Variants in TBCK observed in about 807,000 individuals in gnomAD.
TBCK encodes TBC1 domain containing kinase.
TBCK carries 99 observed loss-of-function variants against 113.4 expected under a neutral mutation model. That is an observed-to-expected ratio of 0.87 (90% CI 0.74 to 1.03). The LOEUF is 1.03. Among genes scored for constraint, TBCK ranks in the 50% least tolerant of loss-of-function variants. The probability of loss-of-function intolerance (pLI) is 0.00; values close to 1 mark genes in which losing one functional copy is unlikely to be tolerated. For missense variants in TBCK, 1,045 were observed against 1,061.3 expected (o/e 0.98, Z 0.21); for synonymous variants, 369 against 370.8 (o/e 1.00, Z 0.05).
At chr4:106,114,721 A>G (rs2149565611) in intron 24 of TBCK, among the ~76,000 whole-genome samples, 2 of 152,364 alleles carry the variant, frequency 1.3e-5, no homozygotes, top group East Asian at 3.9e-4. Context: ...ATAGGGTGTT[A>G]TAATGTTATT....
intron 19 of TBCK, among the ~76,000 whole-genome samples, chr4:106,230,141 A>C (rs908044994): frequency 1.3e-5 from 2 of 151,958 alleles, no homozygotes; most frequent in Non-Finnish European, 2.9e-5. Context: ...CCTGCAATTG[A>C]ACTGAAATGA....
chr4:106,212,688 GT>G (rs1756292495), intron 20 of TBCK, 61 bp downstream of exon 20: 1 of 1,210,264 alleles, frequency 8.3e-7, no homozygotes, highest in Non-Finnish European at 1.2e-6. Context: ...ACACTCTTCT[GT>G]GCTAATAATT....
intron 23 of TBCK, among the ~76,000 whole-genome samples, chr4:106,131,703 G>A (rs1270856803): frequency 6.6e-6 from 1 of 152,198 alleles, no homozygotes; most frequent in East Asian, 1.9e-4. Context: ...AGCAAGTTTG[G>A]AACTGAGTAA....
chr4:106,217,648 A>G (rs1757124594), intron 19 of TBCK, among the ~76,000 whole-genome samples: 5 of 150,634 alleles, frequency 3.3e-5, no homozygotes, highest in African/African-American at 1.2e-4. Context: ...ATACCTAGGA[A>G]TCCAACTTAC....
rs1407613654 is a variant in TBCK, at chr4:106,076,604, T to C, written c.2571+18878A>G. ...GGTAGATGTGAAAGAAAAAATCGTA[T>C]AGGTAACTAGAGAGAAGCGGCGGGT... On this transcript the variant is annotated intron_variant, in intron 25 of 25. Transcript: ENST00000394708. Among the ~76,000 whole-genome samples the C allele has an allele frequency of 3.9e-5, 6 of 152,056 alleles. No homozygotes were observed. The East Asian group carries it at 1.2e-3, about 29-fold the overall frequency.
chr4:106,272,032 C>T (rs1271271094), intron 3 of TBCK, among the ~76,000 whole-genome samples: 2 of 152,136 alleles, frequency 1.3e-5, no homozygotes, highest in South Asian at 2.1e-4. Context: ...ATGAACCACA[C>T]TTTGAGAACC....
intron 19 of TBCK, among the ~76,000 whole-genome samples, chr4:106,220,973 T>G (rs1188552843): frequency 6.6e-6 from 1 of 152,210 alleles, no homozygotes; most frequent in African/African-American, 2.4e-5. Context: ...ATGCTTCATT[T>G]TAAAACAGAA....
intron 20 of TBCK, among the ~76,000 whole-genome samples, chr4:106,210,553 T>C (rs1426585760): frequency 6.6e-6 from 1 of 152,192 alleles, no homozygotes; most frequent in Admixed American, 6.5e-5. Flanking sequence ...GAGCATTCCC[T>C]CTAAATAATG....
At position 106,135,558 on chromosome 4, in the gene TBCK, T is replaced by A. The variant is rs1284675407; in HGVS notation, c.2236-19180A>T. On this transcript the variant is annotated intron_variant, in intron 23 of 25. Coordinates refer to ENST00000394708, the MANE Select transcript of TBCK (RefSeq NM_001163435.3). ...TGGGCAGAAGTAGTTAGTAATATATTGGTGGAGTAAGTGGCACTTGAGTAA... is the reference window on the plus strand; with the variant it reads ...TGGGCAGAAGTAGTTAGTAATATATAGGTGGAGTAAGTGGCACTTGAGTAA... Among the ~76,000 whole-genome samples the A allele has an allele frequency of 1.4e-5, 2 of 139,956 alleles. 1 individual carries two copies. Among genetic ancestry groups the A allele is most frequent in the African/African-American group, 5.0e-5 (2 of 39,618 alleles). 91.8% of individuals were successfully genotyped at this position (139,956 alleles called of 152,430 possible).
intron 25 of TBCK, among the ~76,000 whole-genome samples, chr4:106,093,389 G>A (rs1201123347): frequency 2.6e-5 from 4 of 151,982 alleles, no homozygotes. Context: ...TGCCTGTAGT[G>A]CCAGCTACTC....
intron 25 of TBCK, among the ~76,000 whole-genome samples, chr4:106,082,027 T>C (rs941638203): frequency 2.0e-5 from 3 of 152,212 alleles, no homozygotes; most frequent in Non-Finnish European, 2.9e-5. Flanking sequence ...AGTTCAGTCA[T>C]TGTGAAAAGC....
At chr4:106,204,063 A>G (rs1251247522) in intron 20 of TBCK, among the ~76,000 whole-genome samples, 1 of 152,176 alleles carries the variant, frequency 6.6e-6, no homozygotes, top group East Asian at 1.9e-4. Context: ...TGCTAATAAA[A>G]GAAATAATGC....
intron 24 of TBCK, among the ~76,000 whole-genome samples, chr4:106,101,950 T>C (rs899333698): frequency 6.6e-6 from 1 of 152,242 alleles, no homozygotes; most frequent in African/African-American, 2.4e-5. Flanking sequence ...ACATTTTCTA[T>C]TGCCTCCTTA....
chr4:106,199,373 C>T (rs1754619366), intron 20 of TBCK, among the ~76,000 whole-genome samples: 1 of 152,068 alleles, frequency 6.6e-6, no homozygotes, highest in African/African-American at 2.4e-5. Context: ...CCTTATCCAT[C>T]TCCTTTGTTG....
intron 23 of TBCK, among the ~76,000 whole-genome samples, chr4:106,126,862 CTG>C (rs1057160424): frequency 2.4e-4 from 37 of 152,180 alleles, no homozygotes; most frequent in African/African-American, 8.9e-4. Context: ...AACTGAAAAA[CTG>C]GAGATGACAG....
intron 24 of TBCK, among the ~76,000 whole-genome samples, 190 bp downstream of exon 24, chr4:106,116,013 T>G (rs1424746042): frequency 6.6e-6 from 1 of 152,188 alleles, no homozygotes; most frequent in Non-Finnish European, 1.5e-5. Context: ...TATCATCAGG[T>G]CTCTGGTATG....
Position 106,042,839 on chromosome 4 carries a change from A to T in TBCK, c.*3731T>A, listed in dbSNP as rs1472056790. On this transcript the variant is annotated 3_prime_UTR_variant, in exon 26 of 26. Coordinates refer to ENST00000394708, the MANE Select transcript of TBCK (RefSeq NM_001163435.3). The stretch of plus-strand genomic sequence containing the variant: ...ACTTACCCCAGACTTTCCACTGAAC[A>T]ACTCTGTCTGTAACAGATTTTTCTT... The T allele has an allele frequency of 1.7e-4, 25 of 148,438 alleles. No individual in the cohort carries two copies. The highest frequency in any genetic ancestry group is 1.6e-3 in the Admixed American group (24 of 15,002). 9.2% of individuals were successfully genotyped at this position (148,438 alleles called of 1,614,324 possible).
At chr4:106,166,145 TA>T (rs2149720967) in intron 23 of TBCK, among the ~76,000 whole-genome samples, 1 of 151,866 alleles carries the variant, frequency 6.6e-6, no homozygotes, top group South Asian at 2.1e-4. Context: ...ATTATTTTTG[TA>T]TCTGCTTTCT....
intron 1 of TBCK, chr4:106,315,594 C>T (rs1768724448): frequency 6.6e-6 from 1 of 152,162 alleles, no homozygotes; most frequent in South Asian, 2.1e-4. Flanking sequence ...CTGACTAAAC[C>T]TCGAGGGCCA....
Sources: gnomAD v4.1 joint callset for allele counts (sites outside exome capture counted in the v4.1 genomes callset) on GRCh38, gnomAD v4.1.1 for gene constraint, MANE v1.5 for transcripts, NCBI Gene and HGNC (gene_info 2026-07-23, HGNC 2026-07-21) for gene names.